Variants in NFIB observed in about 807,000 individuals in gnomAD.
The protein encoded by NFIB is nuclear factor I B, also known as nuclear factor 1 B-type.
NFIB carries 11 observed loss-of-function variants against 61.5 expected under a neutral mutation model. The observed-to-expected ratio is 0.18, with a 90% CI of 0.11 to 0.30. The LOEUF is 0.30. NFIB is among the 10% of genes least tolerant of loss of function. NFIB has a pLI of 1.00. For missense variants in NFIB, 471 were observed against 608.9 expected, an observed-to-expected ratio of 0.77 and a Z score of 2.38; for synonymous variants, 260 against 216.5, an observed-to-expected ratio of 1.20 and a Z score of -1.76.
At chr9:14,230,976 G>GCAA (rs2053061299) in intron 2 of NFIB, among the ~76,000 whole-genome samples, 1 of 151,364 alleles carries the variant, frequency 6.6e-6, no homozygotes, top group Non-Finnish European at 1.5e-5. Context: ...GGCAAAGGGG[G>GCAA]AGCGGAGAAA....
At chr9:14,220,023 C>G (rs1222855192) in intron 2 of NFIB, among the ~76,000 whole-genome samples, 2 of 152,122 alleles carry the variant, frequency 1.3e-5, no homozygotes, top group African/African-American at 2.4e-5. Context: ...AGCAACAGGC[C>G]CTCGTCCCTG....
chr9:14,317,026 A>C, upstream of NFIB: 1 of 147,680 alleles, frequency 6.8e-6, no homozygotes, highest in African/African-American at 2.5e-5. Flanking sequence ...CTCCCTCCTC[A>C]CCACACCACC....
upstream of NFIB, among the ~76,000 whole-genome samples, chr9:14,315,609 GC>G (rs1438191636): frequency 1.4e-5 from 2 of 145,810 alleles, no homozygotes; most frequent in Non-Finnish European, 3.0e-5. Flanking sequence ...GAGCCGCTCG[GC>G]GCCCGCGCCG....
chr9:14,133,528 TC>T (rs1352734705), intron 6 of NFIB, among the ~76,000 whole-genome samples: 2 of 152,180 alleles, frequency 1.3e-5, no homozygotes, highest in Non-Finnish European at 1.5e-5. Flanking sequence ...CATTTTTACT[TC>T]AGGCCACAAA....
intron 8 of NFIB, among the ~76,000 whole-genome samples, chr9:14,118,125 G>C (rs1200359933): frequency 2.0e-5 from 3 of 151,844 alleles, no homozygotes; most frequent in African/African-American, 7.3e-5. Context: ...TAACTATAAA[G>C]ACCCATTTTT....
chr9:14,094,201 A>G (rs2034421037), intron 10 of NFIB: 2 of 152,084 alleles, frequency 1.3e-5, no homozygotes, highest in South Asian at 4.1e-4. Flanking sequence ...TGTGAAGCAT[A>G]GTTTACTTTT....
chr9:14,210,335 G>T (rs1029777998), intron 2 of NFIB, among the ~76,000 whole-genome samples: 1 of 152,002 alleles, frequency 6.6e-6, no homozygotes, highest in African/African-American at 2.4e-5. Context: ...CTTTTCATCT[G>T]TTCCACTCTA....
chr9:14,466,619 G>A, the NFIB span, among the ~76,000 whole-genome samples: 1 of 152,260 alleles, frequency 6.6e-6, no homozygotes, highest in East Asian at 1.9e-4. Flanking sequence ...CCATAGCGGT[G>A]GAACACAGTC....
chr9:14,123,132 C>T (rs1055452108), intron 7 of NFIB, among the ~76,000 whole-genome samples: 2 of 151,628 alleles, frequency 1.3e-5, no homozygotes, highest in Non-Finnish European at 2.9e-5. Context: ...TGGTGAGTGC[C>T]TGTAATCCCA....
the NFIB span, among the ~76,000 whole-genome samples, chr9:14,438,757 G>A: frequency 0.031 from 4,789 of 152,204 alleles, 107 homozygotes; most frequent in Non-Finnish European, 0.051. Flanking sequence ...CGTGAGCGGG[G>A]GCTGATCCAT....
intron 2 of NFIB, among the ~76,000 whole-genome samples, chr9:14,246,583 G>A (rs1279466417): frequency 6.6e-6 from 1 of 152,118 alleles, no homozygotes; most frequent in Non-Finnish European, 1.5e-5. Context: ...ATGCCCATAT[G>A]TTTGCCATAT....
intron 4 of NFIB, among the ~76,000 whole-genome samples, chr9:14,155,508 C>T (rs2043295172): frequency 6.6e-6 from 1 of 152,066 alleles, no homozygotes; most frequent in African/African-American, 2.4e-5. Flanking sequence ...ACATAGAGTA[C>T]ATTTAATTAA....
intron 1 of NFIB, among the ~76,000 whole-genome samples, chr9:14,358,260 T>A (rs1328334110): frequency 6.7e-6 from 1 of 149,934 alleles, no homozygotes; most frequent in Non-Finnish European, 1.5e-5. Flanking sequence ...AAATGTGAAT[T>A]ATATATAAAT....
the NFIB span, among the ~76,000 whole-genome samples, chr9:14,485,526 G>A: frequency 6.6e-6 from 1 of 152,176 alleles, no homozygotes; most frequent in Admixed American, 6.5e-5. Context: ...TAAACATTAT[G>A]AGTCTACTAA....
chr9:14,172,728 T>G (rs1376333114), intron 3 of NFIB, among the ~76,000 whole-genome samples: 1 of 152,180 alleles, frequency 6.6e-6, no homozygotes, highest in East Asian at 1.9e-4. Flanking sequence ...GTAACTTCGG[T>G]ATGTCATCTT....
chr9:14,199,053 T>G (rs2048743622), intron 2 of NFIB, among the ~76,000 whole-genome samples: 1 of 152,252 alleles, frequency 6.6e-6, no homozygotes, highest in African/African-American at 2.4e-5. Flanking sequence ...GCCAAGGGAT[T>G]CTTTGGGTTC....
intron 1 of NFIB, among the ~76,000 whole-genome samples, chr9:14,348,016 C>T (rs2061054398): frequency 6.6e-6 from 1 of 152,172 alleles, no homozygotes; most frequent in East Asian, 1.9e-4. Context: ...TCCGACAGAG[C>T]ACCCAGGACT....
chr9:14,498,671 A>G, the NFIB span, among the ~76,000 whole-genome samples: 1 of 152,092 alleles, frequency 6.6e-6, no homozygotes, highest in Non-Finnish European at 1.5e-5. Flanking sequence ...GAGTGTGATG[A>G]GCTTCCTGGT....
intron 2 of NFIB, among the ~76,000 whole-genome samples, chr9:14,237,073 A>G (rs530478035): frequency 6.6e-5 from 10 of 152,168 alleles, no homozygotes; most frequent in Non-Finnish European, 1.5e-4. Context: ...ATCCAGTTGA[A>G]CAGTAGGGCC....
Sources: gnomAD v4.1 joint callset for allele counts (sites outside exome capture counted in the v4.1 genomes callset) on GRCh38, gnomAD v4.1.1 for gene constraint, MANE v1.5 for transcripts, NCBI Gene and HGNC (gene_info 2026-07-23, HGNC 2026-07-21) for gene names.